POU2F1: variants seen among roughly 807,000 people sequenced by gnomAD.
The protein encoded by POU2F1 is POU class 2 homeobox 1, also known as POU domain, class 2, transcription factor 1.
Under a neutral mutation model 84.9 loss-of-function variants are expected in POU2F1, and 16 were observed. The observed-to-expected ratio is 0.19, with a 90% confidence interval of 0.13 to 0.29. The LOEUF is 0.29. Among genes scored for constraint, POU2F1 ranks in the 10% least tolerant of loss-of-function variants. POU2F1 has a pLI of 1.00. For missense variants in POU2F1, 738 were observed against 942.6 expected (o/e 0.78, Z 2.84); for synonymous variants, 368 against 368.3 (o/e 1.00, Z 0.01).
At chr1:167,239,380 CA>C (rs1649737855) in intron 1 of POU2F1, among the ~76,000 whole-genome samples, 3 of 152,316 alleles carry the variant, frequency 2.0e-5, no homozygotes, top group Admixed American at 2.0e-4. Context: ...ATAATAAATA[CA>C]GTGCTTATCT....
intron 8 of POU2F1, among the ~76,000 whole-genome samples, chr1:167,388,732 G>A (rs1014614949): frequency 9.2e-5 from 14 of 152,002 alleles, no homozygotes; most frequent in Non-Finnish European, 2.1e-4. Flanking sequence ...TTCTTTAAAA[G>A]TCCTCGGTTA....
intron 1 of POU2F1, among the ~76,000 whole-genome samples, chr1:167,245,057 A>G (rs966183098): frequency 6.6e-6 from 1 of 152,206 alleles, no homozygotes; most frequent in African/African-American, 2.4e-5. Context: ...ATAGGAGCAT[A>G]TTCTTGCAAA....
chr1:167,299,858 C>A (rs1208125721), intron 1 of POU2F1, among the ~76,000 whole-genome samples: 2 of 152,060 alleles, frequency 1.3e-5, no homozygotes, highest in African/African-American at 4.8e-5. Context: ...GATTGTTGGG[C>A]CCCCACCTCC....
chr1:167,392,438 G>T (rs911156497), intron 9 of POU2F1, among the ~76,000 whole-genome samples: 7 of 152,080 alleles, frequency 4.6e-5, no homozygotes, highest in African/African-American at 1.7e-4. Flanking sequence ...TAAGTATAAG[G>T]TTAGCATATT....
rs905100742 is a variant in POU2F1 at position 167,383,699 on chromosome 1, T to A, written c.719-158T>A. 42 of 593,270 alleles carry A rather than the reference T, an allele frequency of 7.1e-5. No individual in the cohort carries two copies. In the East Asian group the frequency reaches 1.3e-3, roughly 18 times the overall value. The allele number at this position is 593,270 out of a possible 1,614,324, so 36.8% of individuals were successfully genotyped here. On this transcript the variant is annotated intron_variant, in intron 7 of 15. Coordinates refer to ENST00000367866, the MANE Select transcript of POU2F1 (RefSeq NM_002697.4). ...TCTCTTCCAAGTTGTAAAACAAGAT[T>A]GAATGTAAGGCAAATAAGATAAATA...
At chr1:167,285,956 C>T (rs1168222505) in intron 1 of POU2F1, among the ~76,000 whole-genome samples, 3 of 152,034 alleles carry the variant, frequency 2.0e-5, no homozygotes, top group Non-Finnish European at 4.4e-5. Context: ...AGAGTTTGGG[C>T]AGTTGCAGAA....
In POU2F1 at chr1:167,237,736, A is replaced by ATG. The variant is rs201151600; in HGVS notation, c.61+16788_61+16789dup. Among the ~76,000 whole-genome samples, 432 of 104,608 alleles carry ATG rather than the reference A, an allele frequency of 4.1e-3. 4 individuals are homozygous for ATG. Among genetic ancestry groups the ATG allele is most frequent in the African/African-American group, 0.016 (410 of 26,078 alleles). The allele number at this position is 104,608 out of a possible 152,430, so 68.6% of individuals were successfully genotyped here. ...CTGGTTTTATTTTTTAAATCCATAT[A>ATG]TGTGTGTGTGTATATATATATATAT... On this transcript the variant is annotated intron_variant, in intron 1 of 15. Transcript: ENST00000367866.
chr1:167,362,967 G>A (rs1416799823), intron 2 of POU2F1, among the ~76,000 whole-genome samples: 4 of 152,060 alleles, frequency 2.6e-5, no homozygotes, highest in African/African-American at 7.2e-5. Flanking sequence ...CAGCCAGAAA[G>A]GTTTTTATGA....
At chr1:167,226,111 A>G (rs1015221000) in intron 1 of POU2F1, among the ~76,000 whole-genome samples, 1 of 152,200 alleles carries the variant, frequency 6.6e-6, no homozygotes, top group Non-Finnish European at 1.5e-5. Flanking sequence ...TTGGTTATCC[A>G]TGTTCTTGTT....
intron 9 of POU2F1, among the ~76,000 whole-genome samples, chr1:167,392,117 A>C (rs1286011592): frequency 6.6e-6 from 1 of 152,180 alleles, no homozygotes; most frequent in East Asian, 1.9e-4. Context: ...TGGGAGGCCG[A>C]GGCAGGTGGA....
At chr1:167,371,811 A>G in intron 4 of POU2F1, 106 bp from the exon 5 acceptor site, 1 of 1,482,674 alleles carries the variant, frequency 6.7e-7, no homozygotes, top group Non-Finnish European at 9.4e-7. Flanking sequence ...AGAACTCATG[A>G]CTGAATAAGC....
chr1:167,312,501 A>AT (rs1352461853), intron 1 of POU2F1, among the ~76,000 whole-genome samples: 5 of 152,160 alleles, frequency 3.3e-5, no homozygotes, highest in Non-Finnish European at 7.4e-5. Flanking sequence ...AAGTGCTTGG[A>AT]TTACAGGCAT....
chr1:167,331,134 A>G (rs947816004), intron 1 of POU2F1, among the ~76,000 whole-genome samples: 1 of 152,088 alleles, frequency 6.6e-6, no homozygotes, highest in African/African-American at 2.4e-5. Context: ...CAAACATATG[A>G]ATTTTAACCC....
intron 1 of POU2F1, among the ~76,000 whole-genome samples, chr1:167,234,123 T>C (rs1649276927): frequency 6.6e-6 from 1 of 152,188 alleles, no homozygotes; most frequent in Non-Finnish European, 1.5e-5. Context: ...AGTGGAATGA[T>C]GAAGCATATA....
At chr1:167,342,755 A>T (rs1657944351) in intron 2 of POU2F1, among the ~76,000 whole-genome samples, 2 of 152,198 alleles carry the variant, frequency 1.3e-5, no homozygotes, top group Admixed American at 6.5e-5. Flanking sequence ...GTTTATCCAG[A>T]GGCCATTTTT....
chr1:167,348,954 AT>A (rs1041189637), intron 2 of POU2F1, among the ~76,000 whole-genome samples: 10 of 151,660 alleles, frequency 6.6e-5, no homozygotes, highest in African/African-American at 2.4e-4. Flanking sequence ...TAGATATCTT[AT>A]TTTTTTTAAT....
At chr1:167,322,220 C>T (rs1656361439) in intron 1 of POU2F1, among the ~76,000 whole-genome samples, 1 of 152,110 alleles carries the variant, frequency 6.6e-6, no homozygotes, top group African/African-American at 2.4e-5. Flanking sequence ...CTTCCAAATC[C>T]TCCTGTTCGT....
intron 1 of POU2F1, among the ~76,000 whole-genome samples, chr1:167,252,438 A>G (rs1031505905): frequency 6.6e-6 from 1 of 152,182 alleles, no homozygotes; most frequent in African/African-American, 2.4e-5. Flanking sequence ...AGCAGTCACC[A>G]CTAAAATACT....
intron 1 of POU2F1, among the ~76,000 whole-genome samples, chr1:167,308,314 G>C (rs1329326454): frequency 6.6e-6 from 1 of 152,092 alleles, no homozygotes; most frequent in Non-Finnish European, 1.5e-5. Flanking sequence ...TGATCCGCCT[G>C]CCTCGGCCTC....
Sources: allele counts gnomAD v4.1 joint callset (sites outside exome capture counted in the v4.1 genomes callset), GRCh38; gene constraint gnomAD v4.1.1; transcripts MANE v1.5; gene names NCBI Gene and HGNC (gene_info 2026-07-23, HGNC 2026-07-21).